CDK8: variants seen among roughly 807,000 people sequenced by gnomAD.
CDK8 encodes cyclin dependent kinase 8.
In CDK8, 29 loss-of-function variants were observed where a neutral mutation model predicts 71.5. The ratio of observed to expected loss-of-function variants is 0.41; its 90% CI spans 0.30 to 0.55. The LOEUF (loss-of-function observed/expected upper bound fraction) is 0.55, where lower values mean the gene tolerates loss of function less well. Among genes scored for constraint, CDK8 ranks in the 20% least tolerant of loss-of-function variants. The pLI, the probability that CDK8 is intolerant of heterozygous loss-of-function variation, is 0.37. For missense variants in CDK8, 288 were observed against 572.6 expected (o/e 0.50, Z 5.07); for synonymous variants, 161 against 192.1 (o/e 0.84, Z 1.34).
chr13:26,322,695 G>A (rs763793856), intron 1 of CDK8, among the ~76,000 whole-genome samples: 11 of 152,174 alleles, frequency 7.2e-5, no homozygotes, highest in Non-Finnish European at 1.3e-4. Context: ...TATAGTTTTG[G>A]TACTTATCTG....
chr13:26,382,383 T>G (rs1018386589), intron 4 of CDK8, among the ~76,000 whole-genome samples: 5 of 152,220 alleles, frequency 3.3e-5, no homozygotes. Context: ...GCATACTTTG[T>G]CATTTCCAAA....
At position 26,349,126 on chromosome 13, in the gene CDK8, T is replaced by A; in HGVS notation, c.259T>A (p.Ser87Thr). Reference protein sequence around the residue: ...NVISLQKVFLSHADRKVWLLF... With the variant: ...NVISLQKVFLTHADRKVWLLF... ...CATTTCTCTTCAAAAGGTGTTTCTG[T>A]CTCATGCTGATAGGAAGGTGTGGCT... The change falls in exon 3 of 13, where the codon TCT becomes ACT. Residue 87 changes from serine (S) to threonine (T), a missense_variant. Physicochemically the swap from Ser to Thr is moderately conservative, Grantham distance 58. Transcript: ENST00000381527. The A allele has an allele frequency of 6.2e-7, 1 of 1,613,746 alleles. No individual in the cohort carries two copies. The highest frequency in any genetic ancestry group is 8.5e-7 in the Non-Finnish European group (1 of 1,179,732).
chr13:26,370,519 A>G (rs1874615866), intron 4 of CDK8, among the ~76,000 whole-genome samples: 2 of 152,240 alleles, frequency 1.3e-5, no homozygotes, highest in African/African-American at 4.8e-5. Flanking sequence ...AAAAGTATGT[A>G]TCCCCTGTTT....
At chr13:26,397,962 T>C (rs147026048) in intron 9 of CDK8, among the ~76,000 whole-genome samples, 143 of 152,306 alleles carry the variant, frequency 9.4e-4, no homozygotes, top group Middle Eastern at 3.4e-3. Context: ...ATTCTTTTAA[T>C]CCTTATTCCT....
chr13:26,255,584 T>G (rs952814704), intron 1 of CDK8, among the ~76,000 whole-genome samples: 2 of 152,240 alleles, frequency 1.3e-5, no homozygotes, highest in Non-Finnish European at 2.9e-5. Context: ...TTTTTTCTCT[T>G]TGTCAGTAGA....
chr13:26,321,269 A>G (rs1258264528), intron 1 of CDK8, among the ~76,000 whole-genome samples: 1 of 152,192 alleles, frequency 6.6e-6, no homozygotes, highest in African/African-American at 2.4e-5. Context: ...TGCTTAAGTG[A>G]AATAAGCCAG....
chr13:26,328,678 G>A (rs1325728865), intron 1 of CDK8, among the ~76,000 whole-genome samples: 1 of 152,166 alleles, frequency 6.6e-6, no homozygotes, highest in Non-Finnish European at 1.5e-5. Flanking sequence ...AAAATGTACT[G>A]TTTGTCTCCA....
chr13:26,284,443 A>T, intron 1 of CDK8, among the ~76,000 whole-genome samples: 1 of 152,224 alleles, frequency 6.6e-6, no homozygotes. Flanking sequence ...TTAGAAATGA[A>T]ATGGGAAATA....
intron 1 of CDK8, among the ~76,000 whole-genome samples, chr13:26,285,219 C>T (rs997785857): frequency 2.0e-5 from 3 of 151,892 alleles, no homozygotes; most frequent in African/African-American, 4.8e-5. Context: ...GCAACAAGAG[C>T]GAAACTCCGT....
chr13:26,400,306 A>G (rs1876194835), intron 9 of CDK8, 147 bp from the exon 10 acceptor site: 1 of 627,794 alleles, frequency 1.6e-6, no homozygotes, highest in Non-Finnish European at 2.9e-6. Context: ...AAATTTAACA[A>G]CTAGGAGTTT....
chr13:26,403,354 T>A (rs77484105), intron 12 of CDK8, among the ~76,000 whole-genome samples: 9,071 of 151,898 alleles, frequency 0.06, 901 homozygotes, highest in African/African-American at 0.21. Context: ...TCAAAAAAAA[T>A]TTTTAAAAAT....
chr13:26,395,596 T>C (rs1395987940), intron 7 of CDK8, among the ~76,000 whole-genome samples: 1 of 152,086 alleles, frequency 6.6e-6, no homozygotes, highest in African/African-American at 2.4e-5. Flanking sequence ...GAGAACACAT[T>C]ATGTAGCATG....
intron 1 of CDK8, among the ~76,000 whole-genome samples, chr13:26,266,532 AG>A (rs1872027173): frequency 6.6e-6 from 1 of 152,214 alleles, no homozygotes; most frequent in Non-Finnish European, 1.5e-5. Context: ...AATAACAGCC[AG>A]GAAGAGTCTT....
intron 1 of CDK8, among the ~76,000 whole-genome samples, chr13:26,288,894 G>T (rs1289901961): frequency 6.6e-6 from 1 of 151,774 alleles, no homozygotes; most frequent in Non-Finnish European, 1.5e-5. Context: ...TGGGACTATA[G>T]GCACGTGCCA....
chr13:26,357,599 C>T (rs1296386114), intron 4 of CDK8, among the ~76,000 whole-genome samples: 4 of 152,088 alleles, frequency 2.6e-5, no homozygotes, highest in Non-Finnish European at 2.9e-5. Flanking sequence ...CTGGTATTAC[C>T]ATCTATACTG....
intron 1 of CDK8, among the ~76,000 whole-genome samples, chr13:26,331,946 T>C (rs2137964495): frequency 6.6e-6 from 1 of 152,316 alleles, no homozygotes. Context: ...TCCATGGGCC[T>C]GGGATGTTTT....
intron 9 of CDK8, 56 bp downstream of exon 9, chr13:26,397,281 C>A: frequency 9.3e-7 from 1 of 1,077,540 alleles, no homozygotes; most frequent in Non-Finnish European, 1.4e-6. Flanking sequence ...TTGACTAGCC[C>A]AACTGAGGCT....
At chr13:26,264,304 G>A (rs533730665) in intron 1 of CDK8, among the ~76,000 whole-genome samples, 1 of 149,580 alleles carries the variant, frequency 6.7e-6, no homozygotes, top group African/African-American at 2.5e-5. Context: ...TAATTTTATT[G>A]AGACAGGGTC....
chr13:26,291,951 G>A (rs2137902969), intron 1 of CDK8, among the ~76,000 whole-genome samples: 1 of 152,126 alleles, frequency 6.6e-6, no homozygotes, highest in South Asian at 2.1e-4. Context: ...GGGAGTGAAT[G>A]GAAGGCACAT....
Sources: allele counts gnomAD v4.1 joint callset (sites outside exome capture counted in the v4.1 genomes callset), GRCh38; gene constraint gnomAD v4.1.1; transcripts MANE v1.5; gene names NCBI Gene and HGNC (gene_info 2026-07-23, HGNC 2026-07-21).